FBXO25: variants seen among roughly 807,000 people sequenced by gnomAD.
The protein encoded by FBXO25 is F-box protein 25.
FBXO25 carries 45 observed loss-of-function variants against 51.9 expected under a neutral mutation model. The ratio of observed to expected loss-of-function variants is 0.87; its 90% confidence interval spans 0.68 to 1.11. The LOEUF is 1.11. FBXO25 is among the 50% of genes most tolerant of loss of function. The pLI, the probability that FBXO25 is intolerant of heterozygous loss-of-function variation, is 0.00. For synonymous variants in FBXO25, 199 were observed against 151.0 expected, an observed-to-expected ratio of 1.32 and a Z score of -2.33; for missense variants, 507 against 428.5, an observed-to-expected ratio of 1.18 and a Z score of -1.62.
At chr8:412,947 C>A in intron 1 of FBXO25, 126 bp from the exon 2 acceptor site, 1 of 910,916 alleles carries the variant, frequency 1.1e-6, no homozygotes, top group Non-Finnish European at 1.5e-6. Flanking sequence ...GTCGAGCCAA[C>A]GTTTAATTAA....
chr8:440,373 A>C (rs541757511), intron 5 of FBXO25, among the ~76,000 whole-genome samples: 49 of 152,312 alleles, frequency 3.2e-4, no homozygotes, highest in African/African-American at 1.1e-3. Flanking sequence ...CTGCATGGAG[A>C]TCCATTTATG....
chr8:451,252 AT>A lies in FBXO25; in HGVS notation c.476-12del. On this transcript the variant is annotated splice_polypyrimidine_tract_variant and intron_variant, in intron 6 of 9. Transcript: ENST00000350302. ...CTTAACTGTATCAATCCATAGTTTT[AT>A]TTTTATTTATTCCAGTTCTTGATGA... 1 of 1,578,542 alleles carries A rather than the reference AT, an allele frequency of 6.3e-7. No homozygotes were observed. Among genetic ancestry groups the A allele is most frequent in the South Asian group, 1.2e-5 (1 of 85,680 alleles).
At chr8:419,361 C>T (rs925367774) in intron 2 of FBXO25, among the ~76,000 whole-genome samples, 1 of 152,074 alleles carries the variant, frequency 6.6e-6, no homozygotes, top group Admixed American at 6.6e-5. Flanking sequence ...AAGAGCAAAA[C>T]TCCATCTCAA....
In FBXO25 at chr8:451,326, C is replaced by A. The variant is rs763007601; in HGVS notation, c.533C>A (p.Ser178Tyr). 6.2e-7 allele frequency: 1 copy of A among 1,613,862 alleles called. No individual in the cohort carries two copies. The highest frequency in any genetic ancestry group is 8.5e-7 in the Non-Finnish European group (1 of 1,179,906). The change falls in exon 7 of 10, where the codon TCT becomes TAT. Residue 178 changes from serine to tyrosine, a missense_variant. Transcript: ENST00000350302. ...LIKDLLQDLS[S>Y]TLCILIRGVG... ...AAAGATCTTCTGCAAGACCTAAGCT[C>A]TACCCTCTGCATTCTTATTAGAGGA... is the stretch of plus-strand genomic sequence containing the variant.
chr8:444,853 G>A (rs572652335), intron 5 of FBXO25, among the ~76,000 whole-genome samples: 1 of 152,316 alleles, frequency 6.6e-6, no homozygotes, highest in South Asian at 2.1e-4. Context: ...TAGCCTAGCT[G>A]TGTAGGTGTT....
At chr8:427,355 T>A (rs1157207320) in intron 2 of FBXO25, among the ~76,000 whole-genome samples, 2 of 150,078 alleles carry the variant, frequency 1.3e-5, no homozygotes, top group African/African-American at 2.5e-5. Context: ...TTGGTGTTGG[T>A]GAAATTATCA....
At chr8:431,694 A>G (rs997026632) in intron 3 of FBXO25, among the ~76,000 whole-genome samples, 2 of 152,210 alleles carry the variant, frequency 1.3e-5, no homozygotes, top group African/African-American at 4.8e-5. Flanking sequence ...TGCTTGAATT[A>G]TGGTCATGAA....
intron 8 of FBXO25, among the ~76,000 whole-genome samples, chr8:461,243 G>C (rs1177517507): frequency 2.0e-5 from 3 of 152,312 alleles, no homozygotes; most frequent in Admixed American, 6.5e-5. Context: ...CATCACTACA[G>C]TCGATGTTAG....
chr8:446,878 C>T (rs111437374), intron 5 of FBXO25, among the ~76,000 whole-genome samples: 2 of 152,040 alleles, frequency 1.3e-5, no homozygotes, highest in African/African-American at 2.4e-5. Context: ...TTAGTGATTT[C>T]TCATTCTGGA....
intron 5 of FBXO25, among the ~76,000 whole-genome samples, chr8:442,657 AG>A (rs201556223): frequency 6.6e-6 from 1 of 151,900 alleles, no homozygotes; most frequent in African/African-American, 2.4e-5. Context: ...TTTAGTAGAG[AG>A]GGGGTTTTGC....
intron 5 of FBXO25, among the ~76,000 whole-genome samples, chr8:439,425 A>T (rs1798293103): frequency 6.6e-6 from 1 of 152,310 alleles, no homozygotes; most frequent in Non-Finnish European, 1.5e-5. Context: ...TGTAGGAAAA[A>T]AGTTTTCAGA....
chr8:422,788 C>A (rs1289011146), intron 2 of FBXO25, among the ~76,000 whole-genome samples: 1 of 152,194 alleles, frequency 6.6e-6, no homozygotes, highest in Non-Finnish European at 1.5e-5. Context: ...TGGTGGCTTA[C>A]CTCTTAGTTC....
intron 5 of FBXO25, among the ~76,000 whole-genome samples, chr8:439,087 C>T (rs1798266189): frequency 6.6e-6 from 1 of 152,224 alleles, no homozygotes; most frequent in African/African-American, 2.4e-5. Context: ...CAGCTGTAAA[C>T]ACAGAGAGGG....
intron 2 of FBXO25, chr8:420,414 G>A (rs893455677): frequency 6.6e-6 from 1 of 152,200 alleles, no homozygotes; most frequent in South Asian, 2.1e-4. Flanking sequence ...ACTGCCTTAG[G>A]AGCTGGCAGT....
intron 2 of FBXO25, chr8:420,590 A>G (rs1797088250): frequency 6.6e-6 from 1 of 152,246 alleles, no homozygotes; most frequent in Admixed American, 6.5e-5. Context: ...ACAGGAGAAT[A>G]CCACTCAAAA....
At position 473,280 on chromosome 8, in the gene FBXO25, A is replaced by C. The variant is rs957200773; in HGVS notation, c.*4476A>C. On this transcript the variant is annotated 3_prime_UTR_variant, in exon 10 of 10. Coordinates refer to ENST00000350302, the MANE Select transcript of FBXO25 (RefSeq NM_183420.2). ...TAGCCTCTGCCTTCAGAATTTCAGC[A>C]GGAACTGCATCATTGTGTGCCTAAA... The C allele has an allele frequency of 6.6e-6, 1 of 152,260 alleles. No homozygotes were observed. Among genetic ancestry groups the C allele is most frequent in the Non-Finnish European group, 1.5e-5 (1 of 68,112 alleles). The allele number at this position is 152,260 out of a possible 1,614,324, so 9.4% of individuals were successfully genotyped here.
rs1172509063 is a variant in FBXO25 at position 477,453 on chromosome 8, A to ATATTACATCTTGG, written c.*8651_*8663dup. ...TTGGGCTCTGATGTTTGGTGCATAT[A>ATATTACATCTTGG]TATTACATCTTGGTGAATTTTCAAA... On this transcript the variant is annotated 3_prime_UTR_variant, in exon 10 of 10. Transcript: ENST00000350302. 1 of 152,244 alleles carries ATATTACATCTTGG rather than the reference A, an allele frequency of 6.6e-6. No individual in the cohort carries two copies. Among genetic ancestry groups the ATATTACATCTTGG allele is most frequent in the African/African-American group, 2.4e-5 (1 of 41,460 alleles). 9.4% of individuals were successfully genotyped at this position (152,244 alleles called of 1,614,324 possible).
chr8:448,364 C>G (rs1182710050), intron 5 of FBXO25, among the ~76,000 whole-genome samples: 2 of 152,220 alleles, frequency 1.3e-5, no homozygotes, highest in Non-Finnish European at 2.9e-5. Flanking sequence ...AATGGCTGAA[C>G]AAACATGTCG....
In FBXO25 at chr8:470,813, A is replaced by T. The variant is rs937292348; in HGVS notation, c.*2009A>T. The T allele has an allele frequency of 6.6e-6, 1 of 152,182 alleles. No individual in the cohort carries two copies. Among genetic ancestry groups the T allele is most frequent in the Admixed American group, 6.5e-5 (1 of 15,280 alleles). The allele number at this position is 152,182 out of a possible 1,614,324, so 9.4% of individuals were successfully genotyped here. Reference sequence around the variant, plus strand: ...AGAATTTGATGTATGATAAATTGTGAGCTTGAATATTTCCATATATTTATT... The same window carrying T: ...AGAATTTGATGTATGATAAATTGTGTGCTTGAATATTTCCATATATTTATT... On this transcript the variant is annotated 3_prime_UTR_variant, in exon 10 of 10. Transcript: ENST00000350302.
Sources: allele counts gnomAD v4.1 joint callset (sites outside exome capture counted in the v4.1 genomes callset), GRCh38; gene constraint gnomAD v4.1.1; transcripts MANE v1.5; gene names NCBI Gene and HGNC (gene_info 2026-07-23, HGNC 2026-07-21).